ZNF451: variants seen among roughly 807,000 people sequenced by gnomAD.
The protein encoded by ZNF451 is E3 SUMO-protein ligase ZNF451.
In ZNF451, 80 loss-of-function variants were observed where a neutral mutation model predicts 107.1. The ratio of observed to expected loss-of-function variants is 0.75; its 90% confidence interval spans 0.62 to 0.90. The LOEUF (loss-of-function observed/expected upper bound fraction) is 0.90. Ranked by LOEUF, ZNF451 falls within the 40% of genes least tolerant of loss-of-function variation. The probability of loss-of-function intolerance (pLI) is 0.00; values close to 1 mark genes in which losing one functional copy is unlikely to be tolerated. For synonymous variants in ZNF451, 362 were observed against 406.5 expected, an observed-to-expected ratio of 0.89 and a Z score of 1.32; for missense variants, 1,107 against 1,236.2, an observed-to-expected ratio of 0.90 and a Z score of 1.57.
chr6:57,159,150 A>C, intron 13 of ZNF451: 2 of 985,368 alleles, frequency 2.0e-6, no homozygotes, highest in Non-Finnish European at 2.4e-6. Context: ...TACTGAAAAT[A>C]AGAAAGAATA....
intron 3 of ZNF451, among the ~76,000 whole-genome samples, chr6:57,114,679 T>C (rs1360954713): frequency 6.6e-6 from 1 of 152,180 alleles, no homozygotes; most frequent in East Asian, 1.9e-4. Flanking sequence ...GTAGGATATA[T>C]ATTAAACATA....
At chr6:57,154,098 T>C (rs1452389848) in intron 13 of ZNF451, 51 bp downstream of exon 13, 1 of 1,592,638 alleles carries the variant, frequency 6.3e-7, no homozygotes. Flanking sequence ...GAGACTTCAC[T>C]GCTGAGAGAA....
chr6:57,154,155 C>T (rs1763286746), intron 13 of ZNF451, 108 bp downstream of exon 13: 1 of 1,037,002 alleles, frequency 9.6e-7, no homozygotes. Flanking sequence ...GCTTGCTAAA[C>T]CATCATGTTC....
Position 57,099,699 on chromosome 6 carries a change from C to A in ZNF451, c.186+558C>A, listed in dbSNP as rs1323488414. 5 of 531,468 alleles carry A rather than the reference C, an allele frequency of 9.4e-6. No homozygotes were observed. The East Asian group carries it at 1.5e-4, about 15-fold the overall frequency. The allele number at this position is 531,468 out of a possible 1,614,324, so 32.9% of individuals were successfully genotyped here. On this transcript the variant is annotated intron_variant, in intron 3 of 14. Coordinates refer to ENST00000370706, the MANE Select transcript of ZNF451 (RefSeq NM_001031623.3). ...CTGGTTGTAGGTTTGACCCTTGGAC[C>A]AATACTTCCCTTGCTCTGAGAATTG...
chr6:57,150,627 G>A (rs1010201893), intron 10 of ZNF451, 92 bp from the exon 11 acceptor site: 4 of 1,286,440 alleles, frequency 3.1e-6, no homozygotes, highest in Non-Finnish European at 3.2e-6. Flanking sequence ...TAGTATTTTT[G>A]CATATTAGGC....
chr6:57,144,234 CTTTT>C (rs57250829), intron 9 of ZNF451, among the ~76,000 whole-genome samples: 2 of 114,796 alleles, frequency 1.7e-5, no homozygotes, highest in Admixed American at 9.2e-5. Context: ...GAATTATATC[CTTTT>C]TTTTTTTTTT....
Position 57,153,874 on chromosome 6 carries a change from A to G in ZNF451, c.2897A>G (p.Asp966Gly), listed in dbSNP as rs758659256. The change falls in exon 13 of 15, where the codon GAT becomes GGT. Residue 966 changes from aspartate to glycine, a missense_variant. Coordinates refer to ENST00000370706, the MANE Select transcript of ZNF451 (RefSeq NM_001031623.3). ...GTTCTAACTTAGGCTGGCCGTCTAG[A>G]TGAACAACTACCCAAGCAAATTCCT... is the stretch of plus-strand genomic sequence containing the variant. ...FAICMHAGRLDEQLPKQIPFT... is the reference protein window; with the variant it reads ...FAICMHAGRLGEQLPKQIPFT... The G allele has an allele frequency of 2.5e-6, 4 of 1,614,142 alleles. No individual in the cohort carries two copies. The highest frequency in any genetic ancestry group is 3.4e-6 in the Non-Finnish European group (4 of 1,180,030).
chr6:57,139,902 G>A (rs909800537), intron 7 of ZNF451, among the ~76,000 whole-genome samples: 2 of 152,092 alleles, frequency 1.3e-5, no homozygotes, highest in Non-Finnish European at 2.9e-5. Context: ...AATTAGCCGG[G>A]TGTATTGGTG....
chr6:57,150,805 T>A lies in ZNF451; in HGVS notation c.2695T>A (p.Phe899Ile). The A allele has an allele frequency of 6.2e-7, 1 of 1,613,998 alleles. No individual in the cohort carries two copies. The highest frequency in any genetic ancestry group is 1.7e-4 in the Middle Eastern group (1 of 6,060). Residue 899 changes from phenylalanine (F) to isoleucine (I), a missense_variant, in exon 11 of 15, where the codon TTT becomes ATT. By Grantham distance (21) the Phe-to-Ile change is conservative (BLOSUM62 0). Around this residue, in one of 5 missense-constraint regions of ZNF451, gnomAD observed 608 missense variants for 649.2 expected, o/e 0.94. Transcript: ENST00000370706. The stretch of plus-strand genomic sequence containing the variant: ...TGTAGATTTTGATAACTGGTCAAAC[T>A]TTTTTGGTCATCTACCAGGGCATCT... Reference protein sequence around the residue: ...VFVDFDNWSNFFGHLPGHLNQ... With the variant: ...VFVDFDNWSNIFGHLPGHLNQ...
chr6:57,131,626 C>T (rs1389995810), intron 5 of ZNF451, among the ~76,000 whole-genome samples: 3 of 152,020 alleles, frequency 2.0e-5, no homozygotes, highest in African/African-American at 7.3e-5. Context: ...GGTATTCCCC[C>T]AATAAAGACT....
At chr6:57,157,769 A>T (rs930962471) in intron 13 of ZNF451, among the ~76,000 whole-genome samples, 7 of 152,094 alleles carry the variant, frequency 4.6e-5, no homozygotes, top group African/African-American at 1.7e-4. Context: ...ACTTTCTTAG[A>T]CCATTTATAT....
chr6:57,126,662 T>C (rs1341605171), intron 4 of ZNF451: 1 of 152,180 alleles, frequency 6.6e-6, no homozygotes. Context: ...GGCTCATGCC[T>C]GTAATCCCAG....
chr6:57,159,141 A>G (rs902574365), intron 13 of ZNF451: 8 of 985,398 alleles, frequency 8.1e-6, no homozygotes, highest in Non-Finnish European at 9.6e-6. Context: ...ATGCAAAGGT[A>G]CTGAAAATAA....
intron 6 of ZNF451, chr6:57,134,248 A>C (rs1831323095): frequency 6.5e-6 from 1 of 153,078 alleles, no homozygotes. Flanking sequence ...ATTTGATAGC[A>C]TACTATACCT....
chr6:57,092,030 A>T (rs1829072679), intron 2 of ZNF451, among the ~76,000 whole-genome samples: 1 of 152,172 alleles, frequency 6.6e-6, no homozygotes, highest in African/African-American at 2.4e-5. Context: ...GGTGAATTGT[A>T]TCCTGTCCTT....
Position 57,154,002 on chromosome 6 carries a change from G to A in ZNF451, c.3025G>A (p.Asp1009Asn). 1.2e-6 allele frequency: 2 copies of A among 1,614,172 alleles called. No individual in the cohort carries two copies. Among genetic ancestry groups the A allele is most frequent in the South Asian group, 2.2e-5 (2 of 91,082 alleles). ...HILNPHHLEG[D>N]MMCALLNSIS... is the part of the protein sequence containing the mutation. ...ACTAAACCCTCACCACTTAGAGGGA[G>A]ATATGATGTGTGCCTTGTTAAATAG... Residue 1009 changes from aspartate to asparagine, a missense_variant, in exon 13 of 15, where the codon GAT (aspartate) becomes AAT (asparagine). Asp to Asn is a conservative substitution (Grantham distance 23). This residue lies in a region of ZNF451 where 151 missense variants were observed against 173.3 expected (regional missense o/e 0.87). Transcript: ENST00000370706.
At chr6:57,101,070 T>A (rs1343173203) in intron 3 of ZNF451, 1 of 1,550,818 alleles carries the variant, frequency 6.4e-7, no homozygotes, top group Admixed American at 2.0e-5. Flanking sequence ...ACTCCTCAGT[T>A]CCTTGGGACA....
In ZNF451 at chr6:57,141,365, C is replaced by G; in HGVS notation, c.766C>G (p.Pro256Ala). Residue 256 changes from proline to alanine, a missense_variant, in exon 8 of 15, where the codon CCA becomes GCA. By Grantham distance (27) the Pro-to-Ala change is conservative. Around this residue, in one of 5 missense-constraint regions of ZNF451, gnomAD observed 339 missense variants for 372.8 expected, o/e 0.91. Transcript: ENST00000370706. The part of the protein sequence containing the change: ...LPQIIQCFAC[P>A]NCFLLFSRKE... ...TCAGATTATTCAGTGTTTTGCATGT[C>G]CAAATTGCTTCCTTCTTTTTAGCAG... 8.1e-6 allele frequency: 13 copies of G among 1,612,944 alleles called. No homozygotes were observed. Among genetic ancestry groups the G allele is most frequent in the Non-Finnish European group, 1.0e-5 (12 of 1,179,442 alleles).
intron 9 of ZNF451, among the ~76,000 whole-genome samples, chr6:57,144,257 T>TA (rs1554301267): frequency 8.1e-6 from 1 of 123,118 alleles, no homozygotes. Context: ...TTTTTTTTTT[T>TA]AAAGATAGGG....
Sources: gnomAD v4.1 joint callset for allele counts (sites outside exome capture counted in the v4.1 genomes callset) on GRCh38, gnomAD v4.1.1 for gene constraint, gnomAD v4.1.1 regional missense constraint, MANE v1.5 for transcripts, NCBI Gene and HGNC (gene_info 2026-07-23, HGNC 2026-07-21) for gene names.